GRM8: variants seen among roughly 807,000 people sequenced by gnomAD.
GRM8 encodes glutamate metabotropic receptor 8, also known as metabotropic glutamate receptor 8.
Under a neutral mutation model 87.2 loss-of-function variants are expected in GRM8, and 47 were observed. The ratio of observed to expected loss-of-function variants is 0.54; its 90% CI spans 0.43 to 0.69. The LOEUF (loss-of-function observed/expected upper bound fraction) is 0.69. GRM8 is among the 30% of genes least tolerant of loss of function. The pLI is 0.00. For synonymous variants in GRM8, 396 were observed against 404.5 expected (o/e 0.98, Z 0.25); for missense variants, 1,019 against 1,139.2 (o/e 0.89, Z 1.52).
In GRM8 at chr7:127,106,689, G is replaced by A. The variant is rs1473240603; in HGVS notation, c.534C>T (p.Ser178=). ...TGTTATCACTTAGCTCTGGGGCTGT[G>A]GATGCATAGCTGATTTGAGGTATCT... ...LFKIPQISYA[S]TAPELSDNTR... is the part of the protein sequence containing the mutation. Residue 178 remains serine, a synonymous_variant, in exon 3 of 11, where the codon TCC becomes TCT. Transcript: ENST00000339582. The A allele has an allele frequency of 6.2e-7, 1 of 1,612,668 alleles. No homozygotes were observed. Among genetic ancestry groups the A allele is most frequent in the Admixed American group, 1.7e-5 (1 of 59,994 alleles).
chr7:126,686,828 A>G (rs1269007907), intron 7 of GRM8, among the ~76,000 whole-genome samples: 1 of 152,184 alleles, frequency 6.6e-6, no homozygotes, highest in East Asian at 1.9e-4. Flanking sequence ...CACCAGCCAT[A>G]GAGGCTTCCA....
At chr7:127,016,445 A>G (rs1815674942) in intron 3 of GRM8, among the ~76,000 whole-genome samples, 1 of 152,110 alleles carries the variant, frequency 6.6e-6, no homozygotes, top group Non-Finnish European at 1.5e-5. Flanking sequence ...TGCTTGAATG[A>G]CAAAGCAAGA....
At chr7:126,621,275 G>T (rs918663248) in intron 7 of GRM8, among the ~76,000 whole-genome samples, 3 of 152,154 alleles carry the variant, frequency 2.0e-5, no homozygotes, top group Admixed American at 2.0e-4. Flanking sequence ...GTTCTCTGAA[G>T]CCTTTAGCAT....
chr7:127,230,251 G>A (rs2116799825), intron 2 of GRM8, among the ~76,000 whole-genome samples: 1 of 152,010 alleles, frequency 6.6e-6, no homozygotes, highest in East Asian at 1.9e-4. Flanking sequence ...AATGGAAGTT[G>A]GGAACACAGC....
chr7:127,059,710 T>A (rs1309645655), intron 3 of GRM8, among the ~76,000 whole-genome samples: 1 of 152,180 alleles, frequency 6.6e-6, no homozygotes, highest in Non-Finnish European at 1.5e-5. Flanking sequence ...ACAAATAGCC[T>A]CTAGATAACT....
intron 9 of GRM8, among the ~76,000 whole-genome samples, chr7:126,449,279 TG>T (rs1442163197): frequency 6.6e-6 from 1 of 151,872 alleles, no homozygotes; most frequent in Non-Finnish European, 1.5e-5. Flanking sequence ...CAATCTTCCC[TG>T]GTTATTGGAC....
At chr7:127,175,818 C>T (rs1794072642) in intron 2 of GRM8, among the ~76,000 whole-genome samples, 1 of 151,994 alleles carries the variant, frequency 6.6e-6, no homozygotes, top group African/African-American at 2.4e-5. Context: ...GAATTCATTA[C>T]CAGAAGACCT....
At chr7:126,601,145 T>C (rs1235422245) in intron 8 of GRM8, among the ~76,000 whole-genome samples, 3 of 145,024 alleles carry the variant, frequency 2.1e-5, no homozygotes, top group Admixed American at 7.2e-5. Context: ...TGTGATCTCA[T>C]TGTTCAATTC....
At chr7:126,840,816 C>G (rs549570647) in intron 6 of GRM8, among the ~76,000 whole-genome samples, 107 of 152,200 alleles carry the variant, frequency 7.0e-4, no homozygotes, top group Non-Finnish European at 1.3e-3. Flanking sequence ...AATTATACAC[C>G]AATTTCATGT....
At chr7:126,783,988 A>G (rs1315489601) in intron 6 of GRM8, among the ~76,000 whole-genome samples, 1 of 152,218 alleles carries the variant, frequency 6.6e-6, no homozygotes, top group Non-Finnish European at 1.5e-5. Flanking sequence ...CCTACCTTAC[A>G]ATAAGAAGGG....
chr7:126,531,359 T>G (rs1306009170), intron 9 of GRM8, among the ~76,000 whole-genome samples: 1 of 152,242 alleles, frequency 6.6e-6, no homozygotes, highest in African/African-American at 2.4e-5. Flanking sequence ...TGTCTTTCAG[T>G]GTGCTTCTTA....
intron 3 of GRM8, among the ~76,000 whole-genome samples, chr7:126,941,574 C>T (rs568008943): frequency 6.6e-6 from 1 of 150,676 alleles, no homozygotes; most frequent in Admixed American, 6.6e-5. Context: ...GAGCGGAGAT[C>T]GCACCACTGC....
At chr7:126,793,573 G>C (rs1821607158) in intron 6 of GRM8, among the ~76,000 whole-genome samples, 1 of 152,158 alleles carries the variant, frequency 6.6e-6, no homozygotes, top group Non-Finnish European at 1.5e-5. Flanking sequence ...TCTCTGCGAG[G>C]ATTTACTAGA....
At chr7:126,550,441 A>C (rs1792466118) in intron 8 of GRM8, among the ~76,000 whole-genome samples, 1 of 152,130 alleles carries the variant, frequency 6.6e-6, no homozygotes, top group Non-Finnish European at 1.5e-5. Flanking sequence ...TGAATCATAA[A>C]TTTCTTAATA....
intron 3 of GRM8, among the ~76,000 whole-genome samples, chr7:126,918,083 G>A (rs1804115263): frequency 6.6e-6 from 1 of 152,208 alleles, no homozygotes; most frequent in South Asian, 2.1e-4. Flanking sequence ...ACAATTTGAT[G>A]TGAGAAATGC....
chr7:127,022,888 C>CTATA lies in GRM8; in HGVS notation c.727+83604_727+83607dup, dbSNP rs1816415106. ...TTTCTCTAAGCTTCAGTTTCCCCAT[C>CTATA]TATAAAATGAGAGCAAGATCTATAT... is the stretch of plus-strand genomic sequence containing the variant. On this transcript the variant is annotated intron_variant, in intron 3 of 10. Coordinates refer to ENST00000339582, the MANE Select transcript of GRM8 (RefSeq NM_000845.3). Among the ~76,000 whole-genome samples the CTATA allele has an allele frequency of 1.2e-4, 18 of 152,204 alleles. No homozygotes were observed. The South Asian group carries it at 3.5e-3, about 30-fold the overall frequency.
chr7:126,830,938 G>C (rs1586118297), intron 6 of GRM8, among the ~76,000 whole-genome samples: 1 of 152,208 alleles, frequency 6.6e-6, no homozygotes, highest in Admixed American at 6.5e-5. Flanking sequence ...ACCCTCAGCT[G>C]CAGGTCTATT....
rs146776762 is a variant in GRM8, at chr7:126,517,048, A to G, written c.2430+15904T>C. 2.3e-3 allele frequency among the ~76,000 whole-genome samples: 357 copies of G among 152,244 alleles called. 2 individuals carry two copies. The highest frequency in any genetic ancestry group is 8.2e-3 in the African/African-American group (339 of 41,566). ...ATAAAAATAATTTTACTTTAAATAC[A>G]AAACAATTTAGTAATTGATATTAAA... On this transcript the variant is annotated intron_variant, in intron 9 of 10. Transcript: ENST00000339582.
At chr7:126,528,580 T>C (rs533973533) in intron 9 of GRM8, among the ~76,000 whole-genome samples, 6 of 151,552 alleles carry the variant, frequency 4.0e-5, no homozygotes, top group African/African-American at 1.5e-4. Context: ...GAGTTATTAG[T>C]ACAAAAAAAC....
Sources: allele counts gnomAD v4.1 joint callset (sites outside exome capture counted in the v4.1 genomes callset), GRCh38; gene constraint gnomAD v4.1.1; transcripts MANE v1.5; gene names NCBI Gene and HGNC (gene_info 2026-07-23, HGNC 2026-07-21).